ARHGAP12: variants seen among roughly 807,000 people sequenced by gnomAD.
ARHGAP12 encodes rho GTPase-activating protein 12.
ARHGAP12 carries 64 observed loss-of-function variants against 108.6 expected under a neutral mutation model. The ratio of observed to expected loss-of-function variants is 0.59; its 90% CI spans 0.48 to 0.73. The LOEUF is 0.73. Ranked by LOEUF, ARHGAP12 falls within the 30% of genes least tolerant of loss-of-function variation. The pLI, the probability that ARHGAP12 is intolerant of heterozygous loss-of-function variation, is 0.00. For synonymous variants in ARHGAP12, 312 were observed against 337.2 expected, an observed-to-expected ratio of 0.93 and a Z score of 0.82; for missense variants, 940 against 1,005.9, an observed-to-expected ratio of 0.93 and a Z score of 0.89.
intron 9 of ARHGAP12, among the ~76,000 whole-genome samples, chr10:31,834,607 AT>A (rs1387203571): frequency 3.3e-5 from 5 of 152,156 alleles, no homozygotes; most frequent in Admixed American, 3.3e-4. Flanking sequence ...ACAATTGTGT[AT>A]TTTTTATTAC....
At chr10:31,824,073 C>T (rs532436215) in intron 11 of ARHGAP12, among the ~76,000 whole-genome samples, 13 of 152,062 alleles carry the variant, frequency 8.5e-5, no homozygotes, top group Non-Finnish European at 1.9e-4. Context: ...ATACATTATA[C>T]GCACTTACAT....
intron 3 of ARHGAP12, among the ~76,000 whole-genome samples, chr10:31,891,755 T>A: frequency 6.6e-6 from 1 of 152,332 alleles, no homozygotes; most frequent in East Asian, 1.9e-4. Context: ...CATAGTCCCA[T>A]ATTTCTTGGA....
chr10:31,879,246 A>G (rs993681026), intron 3 of ARHGAP12, among the ~76,000 whole-genome samples: 1 of 152,178 alleles, frequency 6.6e-6, no homozygotes, highest in Non-Finnish European at 1.5e-5. Context: ...CCCCATCTTA[A>G]CAAAAAAATA....
chr10:31,926,559 T>C (rs1390196529), intron 1 of ARHGAP12, among the ~76,000 whole-genome samples: 1 of 152,248 alleles, frequency 6.6e-6, no homozygotes, highest in Non-Finnish European at 1.5e-5. Context: ...TGTAAAACTG[T>C]GATGCCCATT....
chr10:31,811,540 G>T (rs1446340627), intron 15 of ARHGAP12, among the ~76,000 whole-genome samples: 1 of 112,982 alleles, frequency 8.9e-6, no homozygotes, highest in Non-Finnish European at 1.9e-5. Context: ...TTATTTGCCA[G>T]GCTTTTTTTT....
rs570222723 is a variant in ARHGAP12, at chr10:31,823,833, CTG to C, written c.1530+2469_1530+2470del. Among the ~76,000 whole-genome samples, 166 of 152,238 alleles carry C rather than the reference CTG, an allele frequency of 1.1e-3. No homozygotes were observed. In the Middle Eastern group the frequency reaches 0.017, roughly 16 times the overall value. On this transcript the variant is annotated intron_variant, in intron 11 of 19. Coordinates refer to ENST00000344936, the MANE Select transcript of ARHGAP12 (RefSeq NM_018287.7). ...CAAGAGCAGTTTTCACTTGAGGTGA[CTG>C]TTGGTTTTTTGGCTTACATTTTAGC...
At chr10:31,894,488 C>G (rs1192803207) in intron 3 of ARHGAP12, among the ~76,000 whole-genome samples, 1 of 152,086 alleles carries the variant, frequency 6.6e-6, no homozygotes, top group East Asian at 1.9e-4. Flanking sequence ...TGAGTGAACT[C>G]CCATTCACAA....
At position 31,928,288 on chromosome 10, in the gene ARHGAP12, C is replaced by A. The variant is rs1438279828; in HGVS notation, c.-111+395G>T. ...CGCCTTGTGCACACACGCGCGCACTCTCCCGCACTCACACACACACCCGCG... is the reference window on the plus strand; with the variant it reads ...CGCCTTGTGCACACACGCGCGCACTATCCCGCACTCACACACACACCCGCG... On this transcript the variant is annotated intron_variant, in intron 1 of 19. Coordinates refer to ENST00000344936, the MANE Select transcript of ARHGAP12 (RefSeq NM_018287.7). Among the ~76,000 whole-genome samples, 3 of 151,808 alleles carry A rather than the reference C, an allele frequency of 2.0e-5. No homozygotes were observed. In the East Asian group the frequency reaches 5.8e-4, roughly 29 times the overall value.
intron 3 of ARHGAP12, among the ~76,000 whole-genome samples, chr10:31,872,280 AC>A (rs1489900295): frequency 6.6e-6 from 1 of 152,070 alleles, no homozygotes; most frequent in Non-Finnish European, 1.5e-5. Flanking sequence ...CTTCAATAAA[AC>A]CAAAATCTCT....
rs538781994 is a variant in ARHGAP12 at position 31,807,462 on chromosome 10, A to G, written c.*196T>C. The G allele has an allele frequency of 8.9e-6, 4 of 449,514 alleles. No homozygotes were observed. Among genetic ancestry groups the G allele is most frequent in the South Asian group, 4.7e-5 (1 of 21,186 alleles). 27.8% of individuals were successfully genotyped at this position (449,514 alleles called of 1,614,324 possible). ...AATGAATTCATAATTACACGCAGTT[A>G]TATCAACTTGCAACAAAGCAGCAAA... On this transcript the variant is annotated 3_prime_UTR_variant, in exon 20 of 20. Transcript: ENST00000344936.
intron 3 of ARHGAP12, among the ~76,000 whole-genome samples, chr10:31,893,882 CAAA>C (rs1838562289): frequency 6.6e-6 from 1 of 152,206 alleles, no homozygotes; most frequent in Non-Finnish European, 1.5e-5. Context: ...AGCAGCACAT[CAAA>C]AAGCTTATCC....
At chr10:31,839,809 AT>A (rs1836191673) in intron 7 of ARHGAP12, 98 bp from the exon 8 acceptor site, 1 of 919,462 alleles carries the variant, frequency 1.1e-6, no homozygotes, top group Non-Finnish European at 1.5e-6. Flanking sequence ...AGAATAACAA[AT>A]TTTTTCCTCG....
chr10:31,928,482 G>A (rs1309722077), intron 1 of ARHGAP12, among the ~76,000 whole-genome samples: 1 of 139,438 alleles, frequency 7.2e-6, no homozygotes, highest in East Asian at 2.0e-4. Context: ...CCTAACCCCC[G>A]CGCCCAGAGC....
intron 3 of ARHGAP12, among the ~76,000 whole-genome samples, chr10:31,881,489 G>T (rs1564408604): frequency 1.3e-5 from 2 of 152,170 alleles, no homozygotes; most frequent in Non-Finnish European, 1.5e-5. Context: ...GTCTCGAATA[G>T]AAGTCCACAA....
chr10:31,893,649 C>A (rs1470298581), intron 3 of ARHGAP12, among the ~76,000 whole-genome samples: 1 of 152,158 alleles, frequency 6.6e-6, no homozygotes, highest in African/African-American at 2.4e-5. Flanking sequence ...GGATTCACAG[C>A]CAAATTCTGC....
intron 3 of ARHGAP12, among the ~76,000 whole-genome samples, chr10:31,896,666 T>C (rs74506360): frequency 0.015 from 2,326 of 152,178 alleles, 69 homozygotes; most frequent in African/African-American, 0.051. Flanking sequence ...TAATAAACCA[T>C]ACAAAAACAT....
intron 9 of ARHGAP12, 121 bp from the exon 10 acceptor site, chr10:31,831,921 A>C: frequency 2.0e-6 from 1 of 494,176 alleles, no homozygotes; most frequent in Non-Finnish European, 3.6e-6. Context: ...AAGATTAGTC[A>C]ATGTGTAACA....
intron 18 of ARHGAP12, 39 bp from the exon 19 acceptor site, chr10:31,808,790 C>A: frequency 6.3e-7 from 1 of 1,595,358 alleles, no homozygotes; most frequent in South Asian, 1.1e-5. Context: ...ACAGCAAATT[C>A]TTATGAAACT....
chr10:31,920,462 A>G (rs893359674), intron 1 of ARHGAP12, among the ~76,000 whole-genome samples: 1 of 151,044 alleles, frequency 6.6e-6, no homozygotes, highest in African/African-American at 2.4e-5. Flanking sequence ...AAAAAAAAAA[A>G]AAAAAAAAAG....
Sources: allele counts gnomAD v4.1 joint callset (sites outside exome capture counted in the v4.1 genomes callset), GRCh38; gene constraint gnomAD v4.1.1; transcripts MANE v1.5; gene names NCBI Gene and HGNC (gene_info 2026-07-23, HGNC 2026-07-21).